DENND2C: variants seen among roughly 807,000 people sequenced by gnomAD.
DENND2C encodes DENN domain-containing protein 2C.
A neutral mutation model predicts 112.4 loss-of-function variants in DENND2C; 72 were observed. That is an observed-to-expected ratio of 0.64 (90% CI 0.53 to 0.78). The LOEUF is 0.78. Among genes scored for constraint, DENND2C ranks in the 30% least tolerant of loss-of-function variants. The probability of loss-of-function intolerance (pLI) is 0.00; values close to 1 mark genes in which losing one functional copy is unlikely to be tolerated. For synonymous variants in DENND2C, 329 were observed against 381.6 expected (o/e 0.86, Z 1.61); for missense variants, 992 against 1,113.8 (o/e 0.89, Z 1.56).
rs771426152 is a variant in DENND2C at position 114,600,935 on chromosome 1, C to T, written c.1841G>A (p.Arg614Lys). ...SKILDEVEKR[R>K]EMSPALVYPF... The stretch of plus-strand genomic sequence containing the variant: ...GTAAACAAGGGCTGGAGACATTTCT[C>T]TTCTCTTCTCTACTTCATCCAGAAT... Residue 614 changes from arginine to lysine, a missense_variant, in exon 14 of 21, where the codon AGA (arginine) becomes AAA (lysine). Arg to Lys is a conservative substitution (Grantham distance 26). Transcript: ENST00000393274. 1.2e-6 allele frequency: 2 copies of T among 1,613,632 alleles called. No homozygotes were observed.
chr1:114,621,649 G>A (rs1270392792), intron 7 of DENND2C, among the ~76,000 whole-genome samples: 1 of 152,168 alleles, frequency 6.6e-6, no homozygotes, highest in Non-Finnish European at 1.5e-5. Flanking sequence ...TTTAATGAGA[G>A]CTAAGGTAAC....
chr1:114,668,689 A>G (rs888444711), intron 1 of DENND2C, among the ~76,000 whole-genome samples: 1 of 152,024 alleles, frequency 6.6e-6, no homozygotes, highest in Non-Finnish European at 1.5e-5. Context: ...TTTATTTCCC[A>G]TCTCCCCGCT....
At chr1:114,658,157 G>C (rs1281683949) in intron 1 of DENND2C, among the ~76,000 whole-genome samples, 1 of 152,194 alleles carries the variant, frequency 6.6e-6, no homozygotes, top group Non-Finnish European at 1.5e-5. Flanking sequence ...GGTTTAAGGA[G>C]AAGGAAGAAG....
chr1:114,599,512 T>G, intron 15 of DENND2C, 61 bp from the exon 16 acceptor site: 2 of 1,365,128 alleles, frequency 1.5e-6, no homozygotes, highest in Non-Finnish European at 1.9e-6. Flanking sequence ...GACATTTCAG[T>G]TATTATGTTA....
At position 114,587,455 on chromosome 1, in the gene DENND2C, G is replaced by A. The variant is rs925299011; in HGVS notation, c.2687C>T (p.Ala896Val). The A allele has an allele frequency of 1.2e-6, 2 of 1,614,128 alleles. No individual in the cohort carries two copies. Among genetic ancestry groups the A allele is most frequent in the South Asian group, 1.1e-5 (1 of 91,086 alleles). The change falls in exon 20 of 21, where the codon GCC (alanine) becomes GTC (valine). Residue 896 changes from alanine to valine, a missense_variant. Around this residue, in one of 3 missense-constraint regions of DENND2C, gnomAD observed 516 missense variants for 623.6 expected, o/e 0.83. Transcript: ENST00000393274. ...AGGAATTGTTTCCAAATACTGGATG[G>A]CCCGGATCTCAAACAAACCTACAAG... ...SGVKGLFEIR[A>V]IQYLETIPES...
intron 4 of DENND2C, among the ~76,000 whole-genome samples, chr1:114,624,920 G>A (rs1212205533): frequency 6.6e-6 from 1 of 152,006 alleles, no homozygotes; most frequent in East Asian, 1.9e-4. Flanking sequence ...CGTGCCTGGC[G>A]CTGGCCCAGA....
chr1:114,666,600 C>T (rs935991059), intron 1 of DENND2C, among the ~76,000 whole-genome samples: 1 of 152,116 alleles, frequency 6.6e-6, no homozygotes, highest in Non-Finnish European at 1.5e-5. Flanking sequence ...GGATTACAGG[C>T]ACACGCCACC....
At chr1:114,653,892 A>G (rs887337056) in intron 2 of DENND2C, among the ~76,000 whole-genome samples, 2 of 152,216 alleles carry the variant, frequency 1.3e-5, no homozygotes, top group Admixed American at 1.3e-4. Context: ...TAAATTTCCA[A>G]TAGGTGATGA....
intron 1 of DENND2C, among the ~76,000 whole-genome samples, chr1:114,664,076 C>A (rs76926911): frequency 0.05 from 7,537 of 151,698 alleles, 207 homozygotes; most frequent in South Asian, 0.085. Flanking sequence ...GCGGCTGGGA[C>A]CACAGGCATG....
intron 2 of DENND2C, among the ~76,000 whole-genome samples, chr1:114,648,455 G>A (rs1281882465): frequency 6.6e-6 from 1 of 152,182 alleles, no homozygotes; most frequent in Non-Finnish European, 1.5e-5. Flanking sequence ...AAGTGAGGTT[G>A]CCAAAAATTG....
intron 3 of DENND2C, among the ~76,000 whole-genome samples, chr1:114,629,843 T>C (rs1274753167): frequency 1.3e-5 from 2 of 152,172 alleles, no homozygotes; most frequent in Admixed American, 6.5e-5. Flanking sequence ...TGATGTTCTA[T>C]TTTACCAATT....
intron 18 of DENND2C, chr1:114,588,422 G>C (rs964959976): frequency 3.8e-5 from 6 of 156,868 alleles, no homozygotes; most frequent in Non-Finnish European, 8.4e-5. Context: ...TTCTCTTCCT[G>C]AGCATGGTGC....
Position 114,599,268 on chromosome 1 carries a change from T to A in DENND2C, c.2283+6A>T, listed in dbSNP as rs1407040070. ...TCCAATATTAGGTTCCATTCTTCTA[T>A]CTCACCTCTTCAATGGGTAGGTCCT... On this transcript the variant is annotated splice_donor_region_variant and intron_variant, in intron 16 of 20. Transcript: ENST00000393274. 1 of 1,598,860 alleles carries A rather than the reference T, an allele frequency of 6.3e-7. No homozygotes were observed. Among genetic ancestry groups the A allele is most frequent in the Non-Finnish European group, 8.5e-7 (1 of 1,170,228 alleles).
intron 8 of DENND2C, among the ~76,000 whole-genome samples, chr1:114,613,962 G>A (rs933190266): frequency 2.0e-5 from 3 of 152,142 alleles, no homozygotes; most frequent in Non-Finnish European, 2.9e-5. Context: ...GCCAGGTATG[G>A]TGGCTCATAC....
chr1:114,601,683 C>A, intron 12 of DENND2C, 98 bp from the exon 13 acceptor site: 1 of 1,009,652 alleles, frequency 9.9e-7, no homozygotes, highest in Non-Finnish European at 1.5e-6. Flanking sequence ...CTCTTTAGTA[C>A]GGAGCAGTAA....
At chr1:114,620,268 T>C (rs2101662653) in intron 7 of DENND2C, among the ~76,000 whole-genome samples, 1 of 152,340 alleles carries the variant, frequency 6.6e-6, no homozygotes, top group South Asian at 2.1e-4. Context: ...TCATGGCTTG[T>C]TCCTGCCTGA....
chr1:114,664,095 T>C (rs968084407), intron 1 of DENND2C, among the ~76,000 whole-genome samples: 2 of 151,844 alleles, frequency 1.3e-5, no homozygotes, highest in Admixed American at 6.6e-5. Context: ...TGTGCCACCA[T>C]GCCAGCTAAT....
At chr1:114,661,122 A>AG (rs1657479582) in intron 1 of DENND2C, among the ~76,000 whole-genome samples, 2 of 151,702 alleles carry the variant, frequency 1.3e-5, no homozygotes, top group Non-Finnish European at 2.9e-5. Context: ...AAAAAAAAAA[A>AG]AAAAGAAAAG....
intron 12 of DENND2C, 87 bp from the exon 13 acceptor site, chr1:114,601,672 ACTC>A: frequency 8.8e-7 from 1 of 1,140,708 alleles, no homozygotes; most frequent in South Asian, 1.4e-5. Flanking sequence ...ATCTTTTACT[ACTC>A]TTTAGTACGG....
Sources: gnomAD v4.1 joint callset for allele counts (sites outside exome capture counted in the v4.1 genomes callset) on GRCh38, gnomAD v4.1.1 for gene constraint, gnomAD v4.1.1 regional missense constraint, MANE v1.5 for transcripts, NCBI Gene and HGNC (gene_info 2026-07-23, HGNC 2026-07-21) for gene names.